The following GALNT10 variants were observed in gnomAD, a reference collection of about 807,000 sequenced individuals.
The protein encoded by GALNT10 is GalNAc transferase 10.
A neutral mutation model predicts 75.0 loss-of-function variants in GALNT10; 41 were observed. That is an observed-to-expected ratio of 0.55 (90% CI 0.43 to 0.71). The LOEUF (loss-of-function observed/expected upper bound fraction) is 0.71. Among genes scored for constraint, GALNT10 ranks in the 30% least tolerant of loss-of-function variants. The probability of loss-of-function intolerance (pLI) is 0.00; values close to 1 mark genes in which losing one functional copy is unlikely to be tolerated. For missense variants in GALNT10, 727 were observed against 818.5 expected, an observed-to-expected ratio of 0.89 and a Z score of 1.36; for synonymous variants, 302 against 313.0, an observed-to-expected ratio of 0.96 and a Z score of 0.37.
At chr5:154,378,864 C>T (rs1432071983) in intron 5 of GALNT10, among the ~76,000 whole-genome samples, 1 of 152,202 alleles carries the variant, frequency 6.6e-6, no homozygotes, top group Admixed American at 6.5e-5. Flanking sequence ...AGCCCCAGCC[C>T]TCCTTGGACA....
At chr5:154,354,813 A>G (rs7711600) in intron 4 of GALNT10, among the ~76,000 whole-genome samples, 22,719 of 152,118 alleles carry the variant, frequency 0.15, 1,834 homozygotes, top group African/African-American at 0.21. Context: ...AGAAAAAGAG[A>G]TGCCATTGTA....
At chr5:154,392,226 A>T (rs1436263565) in intron 7 of GALNT10, 1 of 152,302 alleles carries the variant, frequency 6.6e-6, no homozygotes, top group Admixed American at 6.5e-5. Flanking sequence ...CTCAGCTTAT[A>T]TAGATGGCTC....
At chr5:154,360,450 T>TAAAAAAAAA (rs11308900) in intron 4 of GALNT10, among the ~76,000 whole-genome samples, 3 of 133,722 alleles carry the variant, frequency 2.2e-5, no homozygotes, top group Non-Finnish European at 1.6e-5. Context: ...AAACTCCATC[T>TAAAAAAAAA]AAAAAAAAAA....
rs75401970 is a variant in GALNT10 at position 154,403,871 on chromosome 5, G to T, written c.1057-233G>T. 3,848 of 585,492 alleles carry T rather than the reference G, an allele frequency of 6.6e-3. 114 individuals are homozygous for T. The highest frequency in any genetic ancestry group is 0.062 in the African/African-American group (3,308 of 53,322). 36.3% of individuals were successfully genotyped at this position (585,492 alleles called of 1,614,324 possible). A position where few individuals can be genotyped will look rare whatever the true frequency, so the allele number is the denominator to read the frequency against. ...TCTGATGAGGCTTAAGTGTGGTTGTGCATGTGACCATCTTAGCATAGTGTG... is the reference window on the plus strand; with the variant it reads ...TCTGATGAGGCTTAAGTGTGGTTGTTCATGTGACCATCTTAGCATAGTGTG... On this transcript the variant is annotated intron_variant, in intron 7 of 11. Transcript: ENST00000297107.
At chr5:154,414,358 G>A (rs1352392584) in intron 10 of GALNT10, among the ~76,000 whole-genome samples, 2 of 152,200 alleles carry the variant, frequency 1.3e-5, no homozygotes, top group Non-Finnish European at 2.9e-5. Context: ...AAACCACCAA[G>A]ATGTCCTGTA....
At chr5:154,391,031 T>C (rs1353963908) in intron 7 of GALNT10, among the ~76,000 whole-genome samples, 1 of 152,240 alleles carries the variant, frequency 6.6e-6, no homozygotes, top group Admixed American at 6.5e-5. Flanking sequence ...CTTTTCTCCC[T>C]GGGCTTTCTC....
chr5:154,311,070 A>G (rs1754509356), intron 3 of GALNT10, among the ~76,000 whole-genome samples: 1 of 152,124 alleles, frequency 6.6e-6, no homozygotes, highest in Admixed American at 6.5e-5. Flanking sequence ...ATGGGCATCT[A>G]CTCCCTACAA....
intron 1 of GALNT10, among the ~76,000 whole-genome samples, chr5:154,205,483 G>C (rs183204882): frequency 2.2e-4 from 34 of 152,324 alleles, no homozygotes; most frequent in Admixed American, 2.2e-3. Flanking sequence ...GAGGGCTGCT[G>C]GTCGTGCCCC....
intron 4 of GALNT10, among the ~76,000 whole-genome samples, chr5:154,344,046 A>T (rs1561666759): frequency 6.6e-6 from 1 of 152,282 alleles, no homozygotes; most frequent in East Asian, 1.9e-4. Context: ...TAGCTAATTC[A>T]TATTCATATT....
chr5:154,307,337 T>G (rs1324782016), intron 3 of GALNT10, among the ~76,000 whole-genome samples: 1 of 152,160 alleles, frequency 6.6e-6, no homozygotes, highest in Non-Finnish European at 1.5e-5. Context: ...TGGCCGGGTG[T>G]GGTGGTTCAC....
intron 3 of GALNT10, among the ~76,000 whole-genome samples, chr5:154,310,442 T>TG (rs1561657469): frequency 4.5e-4 from 4 of 8,906 alleles, no homozygotes; most frequent in South Asian, 2.2e-3. Flanking sequence ...GTTTTTTTTG[T>TG]TTTTTTTTTT....
Position 154,393,235 on chromosome 5 carries a change from G to A in GALNT10, c.1056+6805G>A, listed in dbSNP as rs142341953. 2.1e-4 allele frequency among the ~76,000 whole-genome samples: 32 copies of A among 151,916 alleles called. 1 individual carries two copies. Among genetic ancestry groups the A allele is most frequent in the Admixed American group, 5.2e-4 (8 of 15,256 alleles). ...ACTACAGGTCTACACCACCACTCCC[G>A]GCTAATTTTTTAATATTTTGTAATG... On this transcript the variant is annotated intron_variant, in intron 7 of 11. Transcript: ENST00000297107.
intron 1 of GALNT10, among the ~76,000 whole-genome samples, chr5:154,291,909 C>T (rs1327620368): frequency 6.6e-6 from 1 of 152,188 alleles, no homozygotes; most frequent in African/African-American, 2.4e-5. Context: ...AGACGTGCCC[C>T]ATCCACACAG....
intron 1 of GALNT10, among the ~76,000 whole-genome samples, chr5:154,215,399 G>A (rs538218834): frequency 7.2e-5 from 11 of 152,262 alleles, no homozygotes; most frequent in Admixed American, 2.0e-4. Context: ...GGAGAATGGC[G>A]TGAACCCGGG....
intron 8 of GALNT10, among the ~76,000 whole-genome samples, chr5:154,405,052 G>A (rs909045553): frequency 1.3e-5 from 2 of 152,204 alleles, no homozygotes; most frequent in African/African-American, 4.8e-5. Flanking sequence ...AGGATAGAAA[G>A]AGCCTTGCGG....
chr5:154,406,271 G>A (rs1756279724), intron 8 of GALNT10: 1 of 152,100 alleles, frequency 6.6e-6, no homozygotes. Flanking sequence ...CTGTGTTTAG[G>A]CATTTTAACG....
chr5:154,237,789 A>G (rs1358056343), intron 1 of GALNT10, among the ~76,000 whole-genome samples: 1 of 152,132 alleles, frequency 6.6e-6, no homozygotes, highest in African/African-American at 2.4e-5. Context: ...GTAAAGTGCC[A>G]TTTTCCTTGC....
intron 7 of GALNT10, among the ~76,000 whole-genome samples, chr5:154,397,970 A>G (rs1756082645): frequency 6.6e-6 from 1 of 152,244 alleles, no homozygotes; most frequent in African/African-American, 2.4e-5. Flanking sequence ...AGGAGATAAG[A>G]GCGGGTAATT....
At chr5:154,196,122 C>T (rs780757895) in intron 1 of GALNT10, among the ~76,000 whole-genome samples, 31 of 152,206 alleles carry the variant, frequency 2.0e-4, no homozygotes, top group Non-Finnish European at 3.4e-4. Context: ...GGGGTTTTTC[C>T]GTGTGGGTCA....
Sources: gnomAD v4.1 joint callset for allele counts (sites outside exome capture counted in the v4.1 genomes callset) on GRCh38, gnomAD v4.1.1 for gene constraint, MANE v1.5 for transcripts, NCBI Gene and HGNC (gene_info 2026-07-23, HGNC 2026-07-21) for gene names.